Variants in ARNT2 observed in about 807,000 individuals in gnomAD.
The protein encoded by ARNT2 is aryl hydrocarbon receptor nuclear translocator 2, also known as ARNT protein 2.
Under a neutral mutation model 91.7 loss-of-function variants are expected in ARNT2, and 36 were observed. That is an observed-to-expected ratio of 0.39 (90% CI 0.30 to 0.52). ARNT2 has a LOEUF of 0.52. ARNT2 is among the 20% of genes least tolerant of loss of function. The pLI is 0.72. For synonymous variants in ARNT2, 365 were observed against 347.1 expected (o/e 1.05, Z -0.57); for missense variants, 775 against 939.3 (o/e 0.83, Z 2.29).
chr15:80,511,828 AG>A (rs1337314035), intron 6 of ARNT2, among the ~76,000 whole-genome samples: 1 of 152,124 alleles, frequency 6.6e-6, no homozygotes, highest in Non-Finnish European at 1.5e-5. Context: ...GAGAGGGCAA[AG>A]GGAACAAGAG....
chr15:80,579,739 G>C (rs968750700), intron 15 of ARNT2, among the ~76,000 whole-genome samples: 2 of 152,196 alleles, frequency 1.3e-5, no homozygotes, highest in African/African-American at 4.8e-5. Flanking sequence ...AGCGCCTGGT[G>C]GTACAGACAG....
chr15:80,530,646 G>T (rs1293827315), intron 8 of ARNT2, among the ~76,000 whole-genome samples: 2 of 152,120 alleles, frequency 1.3e-5, no homozygotes, highest in Admixed American at 6.6e-5. Flanking sequence ...GTTGTAAATT[G>T]GGGAGGGACG....
intron 3 of ARNT2, among the ~76,000 whole-genome samples, chr15:80,462,878 T>C (rs73489364): frequency 0.09 from 13,729 of 152,220 alleles, 898 homozygotes; most frequent in African/African-American, 0.19. Flanking sequence ...TCTCATCACG[T>C]CCATTTTGGT....
At chr15:80,469,944 A>C (rs1896709906) in intron 3 of ARNT2, among the ~76,000 whole-genome samples, 1 of 152,182 alleles carries the variant, frequency 6.6e-6, no homozygotes, top group African/African-American at 2.4e-5. Context: ...TGCTTACAAA[A>C]ATACCTCAGG....
At chr15:80,462,956 G>A (rs147004817) in intron 3 of ARNT2, among the ~76,000 whole-genome samples, 4 of 152,246 alleles carry the variant, frequency 2.6e-5, no homozygotes, top group African/African-American at 9.6e-5. Context: ...TATAGGTTGT[G>A]GTGATGTTTT....
intron 10 of ARNT2, among the ~76,000 whole-genome samples, chr15:80,554,368 C>T (rs926134341): frequency 1.3e-5 from 2 of 152,150 alleles, no homozygotes; most frequent in Non-Finnish European, 2.9e-5. Context: ...GAGATCGCGC[C>T]ATTGCACTCC....
At chr15:80,465,395 T>C (rs1314924462) in intron 3 of ARNT2, among the ~76,000 whole-genome samples, 1 of 152,140 alleles carries the variant, frequency 6.6e-6, no homozygotes, top group African/African-American at 2.4e-5. Flanking sequence ...GTCTGTTGTT[T>C]GGACTGCTGT....
chr15:80,545,252 C>T (rs1897972556), intron 8 of ARNT2, among the ~76,000 whole-genome samples: 4 of 152,218 alleles, frequency 2.6e-5, no homozygotes. Context: ...GCTGAGTGTG[C>T]TGCTGCCCAG....
intron 14 of ARNT2, 137 bp downstream of exon 14, chr15:80,575,247 C>A: frequency 8.3e-7 from 1 of 1,208,872 alleles, no homozygotes; most frequent in Non-Finnish European, 1.2e-6. Flanking sequence ...TATAAAAATA[C>A]ACGAGTTGGA....
At chr15:80,531,065 T>C (rs1412935110) in intron 8 of ARNT2, among the ~76,000 whole-genome samples, 1 of 152,258 alleles carries the variant, frequency 6.6e-6, no homozygotes, top group Non-Finnish European at 1.5e-5. Context: ...GAGAATACTT[T>C]GGATGCATGC....
At chr15:80,419,017 G>A (rs975605248) in intron 1 of ARNT2, among the ~76,000 whole-genome samples, 2 of 152,068 alleles carry the variant, frequency 1.3e-5, no homozygotes, top group East Asian at 1.9e-4. Context: ...AGCGTCTTTC[G>A]GAGTCCTCCA....
chr15:80,506,177 C>T (rs887427356), intron 5 of ARNT2, among the ~76,000 whole-genome samples: 1 of 151,964 alleles, frequency 6.6e-6, no homozygotes, highest in African/African-American at 2.4e-5. Context: ...ACCTCATGAT[C>T]CACCCGCCTC....
intron 1 of ARNT2, among the ~76,000 whole-genome samples, chr15:80,416,890 C>T (rs1363594617): frequency 2.0e-5 from 3 of 152,008 alleles, no homozygotes; most frequent in Admixed American, 6.6e-5. Flanking sequence ...TAAGGAAAGA[C>T]GATTAGTCAT....
chr15:80,455,711 G>A (rs998157585), intron 2 of ARNT2, among the ~76,000 whole-genome samples: 3 of 152,040 alleles, frequency 2.0e-5, no homozygotes, highest in African/African-American at 4.8e-5. Flanking sequence ...TAAACACCCC[G>A]AAGATCATGA....
At chr15:80,427,085 C>T (rs772030404) in intron 1 of ARNT2, among the ~76,000 whole-genome samples, 13 of 152,246 alleles carry the variant, frequency 8.5e-5, no homozygotes, top group Non-Finnish European at 1.8e-4. Flanking sequence ...TGGGTGGACA[C>T]GATTCAGTCC....
At chr15:80,568,277 T>C (rs552017319) in intron 12 of ARNT2, among the ~76,000 whole-genome samples, 1 of 152,348 alleles carries the variant, frequency 6.6e-6, no homozygotes, top group South Asian at 2.1e-4. Context: ...TCAGCGTTTT[T>C]ACATGGGCAC....
chr15:80,584,647 A>G (rs1898860754), intron 17 of ARNT2, among the ~76,000 whole-genome samples: 1 of 152,212 alleles, frequency 6.6e-6, no homozygotes, highest in African/African-American at 2.4e-5. Context: ...CCGTGTTTAC[A>G]TTTGCAATGG....
chr15:80,593,406 G>A (rs535045537), intron 18 of ARNT2, among the ~76,000 whole-genome samples, 194 bp from the exon 19 acceptor site: 54 of 152,316 alleles, frequency 3.5e-4, no homozygotes, highest in African/African-American at 1.3e-3. Flanking sequence ...CAGCTCCCTG[G>A]GGAGAACAGT....
chr15:80,459,803 G>A (rs1351100398), intron 3 of ARNT2, among the ~76,000 whole-genome samples: 4 of 152,254 alleles, frequency 2.6e-5, no homozygotes, highest in Non-Finnish European at 5.9e-5. Flanking sequence ...AAGGAAGATA[G>A]GATGTGTTTC....
Sources: allele counts gnomAD v4.1 joint callset (sites outside exome capture counted in the v4.1 genomes callset), GRCh38; gene constraint gnomAD v4.1.1; transcripts MANE v1.5; gene names NCBI Gene and HGNC (gene_info 2026-07-23, HGNC 2026-07-21).